The following DDX60 variants were observed in gnomAD, a reference collection of about 807,000 sequenced individuals.
DDX60 encodes probable ATP-dependent RNA helicase DDX60.
Under a neutral mutation model 212.8 loss-of-function variants are expected in DDX60, and 165 were observed. The ratio of observed to expected loss-of-function variants is 0.78; its 90% confidence interval spans 0.68 to 0.88. The LOEUF is 0.88. Ranked by LOEUF, DDX60 falls within the 40% of genes least tolerant of loss-of-function variation. The pLI, the probability that DDX60 is intolerant of heterozygous loss-of-function variation, is 0.00. For synonymous variants in DDX60, 703 were observed against 685.3 expected, an observed-to-expected ratio of 1.03 and a Z score of -0.40; for missense variants, 1,905 against 2,003.9, an observed-to-expected ratio of 0.95 and a Z score of 0.94.
At chr4:168,278,025 T>G (rs1161908010) in intron 14 of DDX60, among the ~76,000 whole-genome samples, 1 of 152,126 alleles carries the variant, frequency 6.6e-6, no homozygotes, top group Admixed American at 6.5e-5. Context: ...TCAGATTGAC[T>G]GCATTGATGC....
At chr4:168,273,867 C>T in intron 17 of DDX60, 67 bp downstream of exon 17, 1 of 1,526,084 alleles carries the variant, frequency 6.6e-7, no homozygotes, top group Non-Finnish European at 8.8e-7. Context: ...ACCATGTGAC[C>T]ATGTTCATTA....
At chr4:168,258,623 C>T (rs140771828) in intron 25 of DDX60, among the ~76,000 whole-genome samples, 11 of 152,150 alleles carry the variant, frequency 7.2e-5, no homozygotes, top group African/African-American at 2.2e-4. Context: ...ATAAACATGC[C>T]AAGCTTCAAT....
At chr4:168,302,848 C>T (rs150837785) in intron 5 of DDX60, among the ~76,000 whole-genome samples, 92 of 152,232 alleles carry the variant, frequency 6.0e-4, no homozygotes, top group African/African-American at 2.1e-3. Flanking sequence ...GCATAACCCC[C>T]CTTTCAGGTA....
At position 168,297,214 on chromosome 4, in the gene DDX60, A is replaced by G. The variant is rs561816496; in HGVS notation, c.724-3269T>C. ...ATAAGCCACCACGCCCAGCCAAAAAATGATCTTTATTCAGCAACTGATAAA... is the reference window on the plus strand; with the variant it reads ...ATAAGCCACCACGCCCAGCCAAAAAGTGATCTTTATTCAGCAACTGATAAA... On this transcript the variant is annotated intron_variant, in intron 6 of 37. Transcript: ENST00000393743. Among the ~76,000 whole-genome samples, 6 of 151,674 alleles carry G rather than the reference A, an allele frequency of 4.0e-5. No individual in the cohort carries two copies. In the East Asian group the frequency reaches 1.2e-3, roughly 29 times the overall value.
intron 30 of DDX60, among the ~76,000 whole-genome samples, 159 bp downstream of exon 30, chr4:168,246,259 C>T (rs964867862): frequency 6.6e-6 from 1 of 152,126 alleles, no homozygotes; most frequent in Non-Finnish European, 1.5e-5. Context: ...GTTATTCTCC[C>T]TAGCTACCCC....
At chr4:168,299,381 G>C (rs1281448694) in intron 6 of DDX60, among the ~76,000 whole-genome samples, 1 of 150,488 alleles carries the variant, frequency 6.6e-6, no homozygotes, top group South Asian at 2.1e-4. Flanking sequence ...AAAAATAAAC[G>C]AATTTTAAAA....
At chr4:168,306,769 T>C in intron 4 of DDX60, 49 bp from the exon 5 acceptor site, 1 of 1,389,696 alleles carries the variant, frequency 7.2e-7, no homozygotes, top group Non-Finnish European at 1.0e-6. Context: ...TATCATTTAA[T>C]CATTTAGTTG....
intron 33 of DDX60, among the ~76,000 whole-genome samples, chr4:168,228,570 T>C (rs1733338545): frequency 6.6e-6 from 1 of 152,052 alleles, no homozygotes; most frequent in African/African-American, 2.4e-5. Context: ...GCTTTAATTT[T>C]ATATTTCTTA....
intron 33 of DDX60, among the ~76,000 whole-genome samples, chr4:168,226,175 AGTC>A (rs1733247616): frequency 6.6e-6 from 1 of 152,052 alleles, no homozygotes; most frequent in Non-Finnish European, 1.5e-5. Flanking sequence ...ATTATGTTCT[AGTC>A]AGGTTTTGGT....
Position 168,216,876 on chromosome 4 carries a change from C to T in DDX60, c.*57G>A, listed in dbSNP as rs1047207982. ...TGGCAAGAAGCATAAGAATCAAAAA[C>T]GTGACCTGAAAAACTACTATGGAAT... On this transcript the variant is annotated 3_prime_UTR_variant, in exon 38 of 38. Transcript: ENST00000393743. 9.2e-6 allele frequency: 10 copies of T among 1,084,724 alleles called. No homozygotes were observed. Among genetic ancestry groups the T allele is most frequent in the Middle Eastern group, 2.9e-4 (1 of 3,452 alleles). The allele number at this position is 1,084,724 out of a possible 1,614,324, so 67.2% of individuals were successfully genotyped here. A position where few individuals can be genotyped will look rare whatever the true frequency, so the allele number is the denominator to read the frequency against.
intron 32 of DDX60, 90 bp downstream of exon 32, chr4:168,237,196 T>C: frequency 2.2e-6 from 2 of 923,672 alleles, no homozygotes; most frequent in South Asian, 9.1e-5. Context: ...TTTTCTTTAT[T>C]AAAAATATTC....
chr4:168,228,863 A>G (rs28565125), intron 33 of DDX60, among the ~76,000 whole-genome samples: 14,367 of 152,136 alleles, frequency 0.094, 885 homozygotes, highest in Admixed American at 0.15. Context: ...CAGATTTCAC[A>G]TCTGAAAACA....
At chr4:168,316,136 T>C (rs1327882287) in intron 1 of DDX60, among the ~76,000 whole-genome samples, 1 of 152,152 alleles carries the variant, frequency 6.6e-6, no homozygotes, top group Non-Finnish European at 1.5e-5. Flanking sequence ...TTAGAAAAGT[T>C]AAAGGAAGCT....
At chr4:168,303,686 AT>A (rs1420409259) in intron 5 of DDX60, among the ~76,000 whole-genome samples, 2 of 152,176 alleles carry the variant, frequency 1.3e-5, no homozygotes, top group Non-Finnish European at 2.9e-5. Context: ...TGCCAGGCAT[AT>A]AAAAGTACAG....
chr4:168,266,150 T>C (rs532584542), intron 22 of DDX60, among the ~76,000 whole-genome samples: 9 of 152,334 alleles, frequency 5.9e-5, no homozygotes, highest in Non-Finnish European at 1.2e-4. Context: ...ATTTACTTAA[T>C]GATGCAACAC....
At chr4:168,220,341 T>C (rs1401038244) in intron 37 of DDX60, among the ~76,000 whole-genome samples, 2 of 152,154 alleles carry the variant, frequency 1.3e-5, no homozygotes, top group East Asian at 1.9e-4. Context: ...CTTGTGGCAA[T>C]TGAGAATACC....
At chr4:168,218,981 T>A (rs574352533) in intron 37 of DDX60, among the ~76,000 whole-genome samples, 1 of 152,236 alleles carries the variant, frequency 6.6e-6, no homozygotes, top group East Asian at 1.9e-4. Context: ...AGCAGGTATA[T>A]CAATTTAATG....
intron 33 of DDX60, among the ~76,000 whole-genome samples, chr4:168,230,152 C>T (rs1376694350): frequency 1.3e-5 from 2 of 152,082 alleles, no homozygotes; most frequent in African/African-American, 4.8e-5. Flanking sequence ...AAAAGGACTA[C>T]TCCAACAGGA....
intron 22 of DDX60, 68 bp downstream of exon 22, chr4:168,267,514 G>A: frequency 1.5e-6 from 1 of 654,718 alleles, no homozygotes; most frequent in Non-Finnish European, 2.3e-6. Context: ...CAATTAGGCA[G>A]CATTTATTTA....
Sources: allele counts gnomAD v4.1 joint callset (sites outside exome capture counted in the v4.1 genomes callset), GRCh38; gene constraint gnomAD v4.1.1; transcripts MANE v1.5; gene names NCBI Gene and HGNC (gene_info 2026-07-23, HGNC 2026-07-21).